NLRC3: variants seen among roughly 807,000 people sequenced by gnomAD.
NLRC3 encodes the protein NLR family CARD domain containing 3.
NLRC3 carries 87 observed loss-of-function variants against 91.6 expected under a neutral mutation model. The observed-to-expected ratio is 0.95, with a 90% CI of 0.80 to 1.14. NLRC3 has a LOEUF of 1.14. NLRC3 is among the 50% of genes most tolerant of loss of function. The pLI is 0.00. For missense variants in NLRC3, 1,577 were observed against 1,418.6 expected (o/e 1.11, Z -1.79); for synonymous variants, 694 against 625.3 (o/e 1.11, Z -1.64).
intron 16 of NLRC3, 47 bp from the exon 17 acceptor site, chr16:3,543,555 C>A (rs775870626): frequency 7.8e-7 from 1 of 1,286,906 alleles, no homozygotes; most frequent in South Asian, 1.2e-5. Context: ...GGGCCCACCT[C>A]CCTCCGCATA....
chr16:3,547,737 C>T (rs2038773838), intron 15 of NLRC3, among the ~76,000 whole-genome samples: 2 of 152,156 alleles, frequency 1.3e-5, no homozygotes, highest in South Asian at 4.1e-4. Context: ...GACGCGATCT[C>T]TGCTCACTGC....
At chr16:3,560,816 C>T (rs775266944) in intron 6 of NLRC3, among the ~76,000 whole-genome samples, 4 of 151,524 alleles carry the variant, frequency 2.6e-5, no homozygotes, top group Non-Finnish European at 4.4e-5. Flanking sequence ...CCCACCACCA[C>T]GCCCGGCTAA....
chr16:3,557,003 A>C lies in NLRC3; in HGVS notation c.2100-9T>G, dbSNP rs1402176022. 1 of 1,589,966 alleles carries C rather than the reference A, an allele frequency of 6.3e-7. No individual in the cohort carries two copies. Among genetic ancestry groups the C allele is most frequent in the Non-Finnish European group, 8.6e-7 (1 of 1,158,154 alleles). On this transcript the variant is annotated splice_polypyrimidine_tract_variant and intron_variant, in intron 7 of 19. Transcript: ENST00000359128. ...TGGAGTTACCGCGGAGGCTGAAGGAAGAGAGAAAGAGACACCTCCTTCATC... is the reference window on the plus strand; with the variant it reads ...TGGAGTTACCGCGGAGGCTGAAGGACGAGAGAAAGAGACACCTCCTTCATC...
At chr16:3,552,380 C>G in intron 9 of NLRC3, 101 bp from the exon 10 acceptor site, 3 of 795,296 alleles carry the variant, frequency 3.8e-6, no homozygotes, top group African/African-American at 1.7e-5. Context: ...AGTGTGCCCT[C>G]TACATTTATT....
intron 9 of NLRC3, 143 bp from the exon 10 acceptor site, chr16:3,552,422 G>C (rs1433988324): frequency 3.1e-6 from 2 of 638,846 alleles, no homozygotes; most frequent in Non-Finnish European, 2.8e-6. Flanking sequence ...CTCCAGATGG[G>C]TCTTTGGATT....
At chr16:3,565,239 G>T (rs754429974) in intron 3 of NLRC3, 80 bp downstream of exon 3, 4 of 697,782 alleles carry the variant, frequency 5.7e-6, no homozygotes, top group Non-Finnish European at 1.0e-5. Context: ...TTCCTGGGTG[G>T]TAGCAATGAT....
At chr16:3,544,177 A>AG in intron 16 of NLRC3, 69 bp downstream of exon 16, 1 of 933,984 alleles carries the variant, frequency 1.1e-6, no homozygotes, top group Non-Finnish European at 1.7e-6. Context: ...AAAAAAAAAA[A>AG]AAGACCTCTA....
In NLRC3 at chr16:3,548,169, C is replaced by T; in HGVS notation, c.2737G>A (p.Ala913Thr). Residue 913 changes from alanine to threonine, a missense_variant, in exon 15 of 20, where the codon GCA becomes ACA. Physicochemically the swap from Ala to Thr is moderately conservative, Grantham distance 58 (BLOSUM62 0). Transcript: ENST00000359128. ...GTGAGGCTCCTGTTGAGCTGTAGTG[C>T]TTGTCCCAGGGCCTGGGCAGCGCCG... ...QAGAAQALGQ[A>T]LQLNRSLTSL... The T allele has an allele frequency of 6.3e-7, 1 of 1,595,558 alleles. No homozygotes were observed. The highest frequency in any genetic ancestry group is 1.1e-5 in the South Asian group (1 of 87,762).
chr16:3,541,658 G>C lies in NLRC3; in HGVS notation c.*167C>G. The C allele has an allele frequency of 3.3e-6, 2 of 610,006 alleles. No individual in the cohort carries two copies. The highest frequency in any genetic ancestry group is 1.9e-5 in the South Asian group (1 of 51,498). 37.8% of individuals were successfully genotyped at this position (610,006 alleles called of 1,614,324 possible). A position where few individuals can be genotyped will look rare whatever the true frequency, so the allele number is the denominator to read the frequency against. ...GGACCACTCCTGCAGCAGAAGAGGA[G>C]CTCACGACCTCCTCCGGCAGCACCT... On this transcript the variant is annotated 3_prime_UTR_variant, in exon 20 of 20. Transcript: ENST00000359128.
chr16:3,564,170 T>C lies in NLRC3; in HGVS notation c.767A>G (p.Asn256Ser). The change falls in exon 5 of 20, where the codon AAC becomes AGC. Residue 256 changes from asparagine (N) to serine (S), a missense_variant. Asn to Ser is a conservative substitution (Grantham distance 46). Transcript: ENST00000359128. The surrounding 1 kb of genome is among the most constrained non-coding windows in gnomAD (Gnocchi z 5.9). The stretch of plus-strand genomic sequence containing the variant: ...CCAGATGGAAACTTCCGGAAAGAGG[T>C]TGCCACGGATGATGTTGGTGATCAG... The part of the protein sequence containing the change: ...DHLITNIIRG[N>S]LFPEVSIWIT... 1 of 1,613,564 alleles carries C rather than the reference T, an allele frequency of 6.2e-7. No homozygotes were observed. Among genetic ancestry groups the C allele is most frequent in the Non-Finnish European group, 8.5e-7 (1 of 1,179,864 alleles).
Position 3,555,580 on chromosome 16 carries a change from G to GT in NLRC3, c.2184-1256dup, listed in dbSNP as rs201186633. On this transcript the variant is annotated intron_variant, in intron 8 of 19. Transcript: ENST00000359128. ...AACTGTACACTTTAAAACAGTCAGG[G>GT]TTTTTTTTAGACAGAGTCTCGCTCT... Among the ~76,000 whole-genome samples, 485 of 151,658 alleles carry GT rather than the reference G, an allele frequency of 3.2e-3. 6 individuals are homozygous for GT. The highest frequency in any genetic ancestry group is 0.027 in the Admixed American group (415 of 15,162).
At chr16:3,576,986 C>T (rs1480543864) in intron 1 of NLRC3, among the ~76,000 whole-genome samples, 163 bp downstream of exon 1, 1 of 152,118 alleles carries the variant, frequency 6.6e-6, no homozygotes, top group Non-Finnish European at 1.5e-5. Flanking sequence ...CTTTTTTCTA[C>T]AGCATGAGCC....
rs116625890 is a variant in NLRC3 at position 3,563,492 on chromosome 16, C to T, written c.1445G>A (p.Ser482Asn). ...GCCCAGCCTGGGCCAGGATACGCCG[C>T]TCTCAGTGAAGAGGTCGAAGATGGC... ...RRAIFDLFTE[S>N]GVSWPRLGFL... The change falls in exon 5 of 20, where the codon AGC becomes AAC. Residue 482 changes from serine (S) to asparagine (N), a missense_variant. By Grantham distance (46) the Ser-to-Asn change is conservative. Transcript: ENST00000359128. 2,164 of 1,594,946 alleles carry T rather than the reference C, an allele frequency of 1.4e-3. 25 individuals are homozygous for T. In the African/African-American group the frequency reaches 0.026, roughly 19 times the overall value.
In NLRC3 at chr16:3,548,729, G is replaced by T; in HGVS notation, c.2628C>A (p.Asp876Glu). The change falls in exon 14 of 20, where the codon GAC (aspartate) becomes GAA (glutamate). Residue 876 changes from aspartate to glutamate, a missense_variant. By Grantham distance (45) the Asp-to-Glu change is conservative (BLOSUM62 2). Transcript: ENST00000359128. Reference protein sequence around the residue: ...NLDLTANLLHDQGARAIAVAV... With the variant: ...NLDLTANLLHEQGARAIAVAV... Reference sequence around the variant, plus strand: ...CCACTGCGATGGCCCGGGCACCCTGGTCGTGGAGGAGGTTGGCTGTCAGGC... The same window carrying T: ...CCACTGCGATGGCCCGGGCACCCTGTTCGTGGAGGAGGTTGGCTGTCAGGC... The T allele has an allele frequency of 6.2e-7, 1 of 1,604,680 alleles. No individual in the cohort carries two copies. The highest frequency in any genetic ancestry group is 8.5e-7 in the Non-Finnish European group (1 of 1,175,894).
chr16:3,569,287 C>T (rs1483566667), intron 1 of NLRC3, among the ~76,000 whole-genome samples: 9 of 137,688 alleles, frequency 6.5e-5, no homozygotes, highest in African/African-American at 1.7e-4. Flanking sequence ...GCACTCCAGC[C>T]GGGGTGACAG....
chr16:3,574,516 C>T (rs1487818756), intron 1 of NLRC3, among the ~76,000 whole-genome samples: 2 of 152,026 alleles, frequency 1.3e-5, no homozygotes, highest in Non-Finnish European at 2.9e-5. Flanking sequence ...CCTGGGAAGG[C>T]GGGGACGGGG....
chr16:3,576,650 C>CTTTTA (rs1318435915), intron 1 of NLRC3, among the ~76,000 whole-genome samples: 1 of 152,018 alleles, frequency 6.6e-6, no homozygotes, highest in Non-Finnish European at 1.5e-5. Context: ...CCTGTTTTTT[C>CTTTTA]TTTTCTTTTT....
rs1421841639 is a variant in NLRC3 at position 3,556,336 on chromosome 16, AAAAAAAAAAAAAAAAAAAG to A, written c.2183+556_2183+574del. Among the ~76,000 whole-genome samples the A allele has an allele frequency of 2.2e-5, 3 of 136,652 alleles. No homozygotes were observed. The East Asian group carries it at 6.2e-4, about 28-fold the overall frequency. The allele number at this position is 136,652 out of a possible 152,430, so 89.6% of individuals were successfully genotyped here. ...TCCGTCTCAAAAAAAAAAAAAAAAA[AAAAAAAAAAAAAAAAAAAG>A]AGACGTAACAAACCACATCACAACT... is the stretch of plus-strand genomic sequence containing the variant. On this transcript the variant is annotated intron_variant, in intron 8 of 19. Coordinates refer to ENST00000359128, the MANE Select transcript of NLRC3 (RefSeq NM_178844.4).
At chr16:3,573,264 CAA>C (rs879790975) in intron 1 of NLRC3, among the ~76,000 whole-genome samples, 2 of 135,406 alleles carry the variant, frequency 1.5e-5, no homozygotes, top group East Asian at 2.1e-4. Flanking sequence ...ATAAAAAGTA[CAA>C]AAAAAAAAAA....
Sources: allele counts gnomAD v4.1 joint callset (sites outside exome capture counted in the v4.1 genomes callset), GRCh38; gene constraint gnomAD v4.1.1; non-coding constraint Gnocchi (gnomAD v3.1); transcripts MANE v1.5; gene names NCBI Gene and HGNC (gene_info 2026-07-23, HGNC 2026-07-21).